The following RIT2 variants were observed in gnomAD, a reference collection of about 807,000 sequenced individuals.
RIT2 encodes the protein Ras like without CAAX 2.
Under a neutral mutation model 23.7 loss-of-function variants are expected in RIT2, and 24 were observed. The ratio of observed to expected loss-of-function variants is 1.01; its 90% CI spans 0.73 to 1.43. RIT2 has a LOEUF of 1.43. Among genes scored for constraint, RIT2 ranks in the 40% most tolerant of loss-of-function variants. The probability of loss-of-function intolerance (pLI) is 0.00; values close to 1 mark genes in which losing one functional copy is unlikely to be tolerated. For missense variants in RIT2, 236 were observed against 266.9 expected, an observed-to-expected ratio of 0.88 and a Z score of 0.81; for synonymous variants, 107 against 91.1, an observed-to-expected ratio of 1.17 and a Z score of -0.99.
At chr18:42,892,550 T>C (rs1363228089) in intron 4 of RIT2, among the ~76,000 whole-genome samples, 1 of 152,224 alleles carries the variant, frequency 6.6e-6, no homozygotes, top group Non-Finnish European at 1.5e-5. Flanking sequence ...TTGTGCTGCC[T>C]GATTCACATT....
chr18:42,830,027 A>G (rs964799970), intron 4 of RIT2, among the ~76,000 whole-genome samples: 9 of 152,210 alleles, frequency 5.9e-5, no homozygotes, highest in African/African-American at 2.2e-4. Flanking sequence ...TGAGGAAAAT[A>G]GAGGAATAAA....
At chr18:42,769,845 T>A (rs1913507908) in intron 4 of RIT2, among the ~76,000 whole-genome samples, 1 of 68,422 alleles carries the variant, frequency 1.5e-5, no homozygotes. Context: ...ACTTAAAGTA[T>A]AATAATAATA....
At chr18:43,046,569 A>T (rs1322638102) in intron 1 of RIT2, among the ~76,000 whole-genome samples, 2 of 152,302 alleles carry the variant, frequency 1.3e-5, no homozygotes, top group East Asian at 3.9e-4. Context: ...GACTGCGAAC[A>T]TGGTGTCTGG....
chr18:42,753,024 G>T (rs535008014), intron 4 of RIT2, among the ~76,000 whole-genome samples: 1 of 152,244 alleles, frequency 6.6e-6, no homozygotes, highest in South Asian at 2.1e-4. Flanking sequence ...CGTGTAATAT[G>T]CCAGGTACTC....
At chr18:42,909,359 C>T (rs779143832) in intron 4 of RIT2, among the ~76,000 whole-genome samples, 26 of 152,038 alleles carry the variant, frequency 1.7e-4, no homozygotes, top group Non-Finnish European at 2.9e-4. Flanking sequence ...TAAAAGAGTA[C>T]ACATTGGGGA....
Position 43,108,499 on chromosome 18 carries a change from C to A in RIT2, c.103+6918G>T, listed in dbSNP as rs148958876. On this transcript the variant is annotated intron_variant, in intron 1 of 4. Transcript: ENST00000326695. ...AGCCAGCAAAACACCAAAGCAAATG[C>A]GTGAACGTAAAGAGCTCAGCAACAT... Among the ~76,000 whole-genome samples the A allele has an allele frequency of 7.6e-3, 1,150 of 152,050 alleles. 7 individuals carry two copies. The highest frequency in any genetic ancestry group is 0.01 in the Non-Finnish European group (683 of 67,994).
In RIT2 at chr18:42,809,896, TA is replaced by T. The variant is rs1304689330; in HGVS notation, c.427-66177del. Among the ~76,000 whole-genome samples the T allele has an allele frequency of 2.0e-3, 251 of 123,332 alleles. 1 individual carries two copies. Among genetic ancestry groups the T allele is most frequent in the African/African-American group, 9.6e-3 (242 of 25,246 alleles). The allele number at this position is 123,332 out of a possible 152,430, so 80.9% of individuals were successfully genotyped here. A position where few individuals can be genotyped will look rare whatever the true frequency, so the allele number is the denominator to read the frequency against. On this transcript the variant is annotated intron_variant, in intron 4 of 4. Transcript: ENST00000326695. ...ATATAATTTGTATATATGTTATATA[TA>T]TTATATATAATATATATAATTTGTA...
At chr18:43,105,516 G>GGAAGAGAGGAAGGGAGGAGGAGA (rs1568083865) in intron 1 of RIT2, among the ~76,000 whole-genome samples, 1 of 151,084 alleles carries the variant, frequency 6.6e-6, no homozygotes, top group Non-Finnish European at 1.5e-5. Flanking sequence ...GAGGGAGGGA[G>GGAAGAGAGGAAGGGAGGAGGAGA]GGAATGAGCA....
In RIT2 at chr18:43,101,717, C is replaced by T. The variant is rs1913689017; in HGVS notation, c.103+13700G>A. On this transcript the variant is annotated intron_variant, in intron 1 of 4. Transcript: ENST00000326695. Reference sequence around the variant, plus strand: ...TAAGAATGGCAGACCACTTGTATTCCTGTCATAGCAAAGTATTTTAGGTAA... The same window carrying T: ...TAAGAATGGCAGACCACTTGTATTCTTGTCATAGCAAAGTATTTTAGGTAA... Among the ~76,000 whole-genome samples the T allele has an allele frequency of 3.3e-5, 5 of 152,128 alleles. No homozygotes were observed. In the South Asian group the frequency reaches 1.0e-3, roughly 32 times the overall value.
chr18:43,066,929 T>G (rs1300449716), intron 1 of RIT2, among the ~76,000 whole-genome samples: 1 of 149,256 alleles, frequency 6.7e-6, no homozygotes, highest in Non-Finnish European at 1.5e-5. Flanking sequence ...TAGATCCCTG[T>G]GATTGTAGTA....
chr18:42,847,994 T>TC, intron 4 of RIT2, among the ~76,000 whole-genome samples: 1 of 150,892 alleles, frequency 6.6e-6, no homozygotes, highest in South Asian at 2.1e-4. Flanking sequence ...GCCTCCTAGA[T>TC]CCCCCTATAA....
chr18:42,965,587 A>G (rs1157061149), intron 3 of RIT2, among the ~76,000 whole-genome samples: 2 of 152,132 alleles, frequency 1.3e-5, no homozygotes, highest in Non-Finnish European at 2.9e-5. Context: ...GGAAAAGCTG[A>G]AAATAAATAC....
At chr18:42,989,400 T>C (rs1910787868) in intron 2 of RIT2, among the ~76,000 whole-genome samples, 1 of 152,092 alleles carries the variant, frequency 6.6e-6, no homozygotes, top group South Asian at 2.1e-4. Flanking sequence ...AGAAATACAA[T>C]ATGAGCCACA....
At chr18:42,955,879 A>G (rs1304967522) in intron 3 of RIT2, among the ~76,000 whole-genome samples, 1 of 152,196 alleles carries the variant, frequency 6.6e-6, no homozygotes, top group African/African-American at 2.4e-5. Flanking sequence ...CTGCGAGACT[A>G]TAACTACTCT....
Position 42,743,412 on chromosome 18 carries a change from T to C in RIT2, c.*81A>G. On this transcript the variant is annotated 3_prime_UTR_variant, in exon 5 of 5. Coordinates refer to ENST00000326695, the MANE Select transcript of RIT2 (RefSeq NM_002930.4). The stretch of plus-strand genomic sequence containing the variant: ...AAAGAGAGAGAGACACATAGAGAGA[T>C]AATATTGAAGCAGAATGCTACATAT... 1.0e-6 allele frequency: 1 copy of C among 994,674 alleles called. No individual in the cohort carries two copies. The highest frequency in any genetic ancestry group is 1.4e-5 in the South Asian group (1 of 71,494). 61.6% of individuals were successfully genotyped at this position (994,674 alleles called of 1,614,324 possible).
At chr18:43,036,579 A>T (rs1018170787) in intron 1 of RIT2, among the ~76,000 whole-genome samples, 1 of 151,892 alleles carries the variant, frequency 6.6e-6, no homozygotes, top group African/African-American at 2.4e-5. Flanking sequence ...CAAAAACAAA[A>T]CAAAACAAAA....
chr18:43,044,836 T>C (rs185082113), intron 1 of RIT2, among the ~76,000 whole-genome samples: 2 of 152,318 alleles, frequency 1.3e-5, no homozygotes, highest in African/African-American at 4.8e-5. Context: ...TGTTCCCCTT[T>C]ACTTTCTTGA....
intron 4 of RIT2, among the ~76,000 whole-genome samples, chr18:42,882,442 C>A (rs781503231): frequency 1.3e-5 from 2 of 152,188 alleles, no homozygotes; most frequent in Non-Finnish European, 2.9e-5. Flanking sequence ...ATCTGACTGT[C>A]CATATGCTTT....
chr18:42,904,758 C>G (rs2059478965), intron 4 of RIT2, among the ~76,000 whole-genome samples: 2 of 151,974 alleles, frequency 1.3e-5, no homozygotes, highest in Non-Finnish European at 2.9e-5. Context: ...TTCATCAATT[C>G]ATACACAAAA....
Sources: gnomAD v4.1 joint callset for allele counts (sites outside exome capture counted in the v4.1 genomes callset) on GRCh38, gnomAD v4.1.1 for gene constraint, MANE v1.5 for transcripts, NCBI Gene and HGNC (gene_info 2026-07-23, HGNC 2026-07-21) for gene names.